The following NOS1AP variants were observed in gnomAD, a reference collection of about 807,000 sequenced individuals.
NOS1AP encodes carboxyl-terminal PDZ ligand of neuronal nitric oxide synthase protein.
In NOS1AP, 21 loss-of-function variants were observed where a neutral mutation model predicts 56.2. The observed-to-expected ratio is 0.37, with a 90% CI of 0.26 to 0.54. The LOEUF is 0.54. Ranked by LOEUF, NOS1AP falls within the 20% of genes least tolerant of loss-of-function variation. The pLI, the probability that NOS1AP is intolerant of heterozygous loss-of-function variation, is 0.84. For missense variants in NOS1AP, 522 were observed against 657.8 expected (o/e 0.79, Z 2.26); for synonymous variants, 270 against 274.6 (o/e 0.98, Z 0.17).
At chr1:162,354,769 G>A (rs1200453771) in intron 6 of NOS1AP, among the ~76,000 whole-genome samples, 1 of 152,188 alleles carries the variant, frequency 6.6e-6, no homozygotes, top group African/African-American at 2.4e-5. Flanking sequence ...AGAGTGAGGG[G>A]ATTTGCTTCT....
intron 9 of NOS1AP, among the ~76,000 whole-genome samples, 174 bp downstream of exon 9, chr1:162,365,743 C>T (rs905999958): frequency 2.6e-5 from 4 of 152,288 alleles, no homozygotes; most frequent in South Asian, 2.1e-4. Context: ...TACAGAATCA[C>T]ATGCCCAAAG....
chr1:162,162,828 C>A (rs971376013), intron 2 of NOS1AP, among the ~76,000 whole-genome samples: 1 of 152,010 alleles, frequency 6.6e-6, no homozygotes, highest in Non-Finnish European at 1.5e-5. Flanking sequence ...ATATAACTCG[C>A]CCATTTAAAT....
chr1:162,221,404 A>G (rs1652763907), intron 2 of NOS1AP, among the ~76,000 whole-genome samples: 1 of 152,132 alleles, frequency 6.6e-6, no homozygotes, highest in Non-Finnish European at 1.5e-5. Flanking sequence ...ATCTTTTGCT[A>G]GAAGAAAAAA....
At chr1:162,155,791 G>A (rs1233817259) in intron 2 of NOS1AP, among the ~76,000 whole-genome samples, 3 of 152,170 alleles carry the variant, frequency 2.0e-5, no homozygotes, top group African/African-American at 7.2e-5. Flanking sequence ...TCAAAGGTAG[G>A]TTTGGGATTG....
In NOS1AP at chr1:162,069,750, GCCGCCA is replaced by G. The variant is rs973520599; in HGVS notation, c.-406_-401del. 240 of 155,082 alleles carry G rather than the reference GCCGCCA, an allele frequency of 1.5e-3. 7 individuals carry two copies. In the South Asian group the frequency reaches 0.017, roughly 11 times the overall value. The allele number at this position is 155,082 out of a possible 1,614,324, so 9.6% of individuals were successfully genotyped here. On this transcript the variant is annotated 5_prime_UTR_variant, in exon 1 of 10. Transcript: ENST00000361897. Reference sequence around the variant, plus strand: ...GTCTCCGTGACAGGCACCCTGCTCCGCCGCCACCGCCACCGCCACCGCCACCGTCGC... The same window carrying G: ...GTCTCCGTGACAGGCACCCTGCTCCGCCGCCACCGCCACCGCCACCGTCGC...
intron 2 of NOS1AP, 66 bp downstream of exon 2, chr1:162,154,542 G>A: frequency 6.5e-7 from 1 of 1,543,086 alleles, no homozygotes; most frequent in Non-Finnish European, 8.9e-7. Flanking sequence ...GCCCTTCTAG[G>A]TAGGGCTGGA....
chr1:162,320,600 A>G (rs1656384653), intron 4 of NOS1AP, among the ~76,000 whole-genome samples: 2 of 152,210 alleles, frequency 1.3e-5, no homozygotes, highest in Admixed American at 6.5e-5. Context: ...TCACGCCTGT[A>G]ATCCCAGCAC....
At chr1:162,239,741 A>G (rs116138212) in intron 2 of NOS1AP, among the ~76,000 whole-genome samples, 143 of 152,308 alleles carry the variant, frequency 9.4e-4, no homozygotes, top group African/African-American at 3.4e-3. Flanking sequence ...TGTGAAGGAC[A>G]AGAGGAGTGG....
intron 2 of NOS1AP, among the ~76,000 whole-genome samples, chr1:162,193,567 G>A (rs190869936): frequency 2.7e-4 from 41 of 152,164 alleles, no homozygotes; most frequent in Admixed American, 1.7e-3. Flanking sequence ...CTTCCTTTTC[G>A]CCTTGACCAT....
chr1:162,324,296 T>C (rs1656511262), intron 4 of NOS1AP, among the ~76,000 whole-genome samples: 2 of 152,068 alleles, frequency 1.3e-5, no homozygotes, highest in African/African-American at 4.8e-5. Context: ...ATAGATTTGG[T>C]TTTTGACAGC....
intron 4 of NOS1AP, among the ~76,000 whole-genome samples, chr1:162,331,094 T>A (rs141467413): frequency 6.6e-6 from 1 of 152,290 alleles, no homozygotes; most frequent in Non-Finnish European, 1.5e-5. Flanking sequence ...TGAATGGGCC[T>A]GGAACTCAGG....
intron 2 of NOS1AP, among the ~76,000 whole-genome samples, chr1:162,224,621 T>A (rs1399185792): frequency 6.6e-6 from 1 of 152,162 alleles, no homozygotes; most frequent in Non-Finnish European, 1.5e-5. Context: ...TTACTTTAAC[T>A]AATTAAACAT....
intron 2 of NOS1AP, among the ~76,000 whole-genome samples, chr1:162,232,099 G>A (rs1326831530): frequency 6.6e-6 from 1 of 152,120 alleles, no homozygotes; most frequent in Admixed American, 6.6e-5. Context: ...AGAAGTCTAG[G>A]CCCCTAAGCT....
chr1:162,283,104 C>CTGTG (rs369814579), intron 2 of NOS1AP, among the ~76,000 whole-genome samples: 4 of 122,432 alleles, frequency 3.3e-5, no homozygotes, highest in Admixed American at 9.0e-5. Flanking sequence ...CTCTCTCTCT[C>CTGTG]TGTGTGTGTG....
intron 1 of NOS1AP, among the ~76,000 whole-genome samples, chr1:162,079,969 A>G (rs1691849723): frequency 6.6e-6 from 1 of 152,230 alleles, no homozygotes; most frequent in Non-Finnish European, 1.5e-5. Context: ...GTTCTGGTGC[A>G]TGCCACCATC....
chr1:162,344,957 A>C (rs921560149), intron 6 of NOS1AP, among the ~76,000 whole-genome samples: 8 of 152,144 alleles, frequency 5.3e-5, no homozygotes, highest in Admixed American at 1.3e-4. Context: ...TGGAGGAAAA[A>C]AATCCATTAA....
At chr1:162,245,062 A>T (rs1420661329) in intron 2 of NOS1AP, among the ~76,000 whole-genome samples, 1 of 152,184 alleles carries the variant, frequency 6.6e-6, no homozygotes, top group Non-Finnish European at 1.5e-5. Context: ...GGGGACAAGG[A>T]TAGGGCGAGG....
intron 2 of NOS1AP, among the ~76,000 whole-genome samples, chr1:162,191,226 G>A (rs1028800110): frequency 3.3e-5 from 5 of 152,136 alleles, no homozygotes; most frequent in Non-Finnish European, 7.3e-5. Context: ...TGTCCACACA[G>A]GAACATCAGA....
chr1:162,116,337 A>G (rs929035318), intron 1 of NOS1AP, among the ~76,000 whole-genome samples: 4 of 152,126 alleles, frequency 2.6e-5, no homozygotes, highest in African/African-American at 9.7e-5. Flanking sequence ...GCTCCCCAGT[A>G]AATTTGCGTG....
Sources: allele counts gnomAD v4.1 joint callset (sites outside exome capture counted in the v4.1 genomes callset), GRCh38; gene constraint gnomAD v4.1.1; transcripts MANE v1.5; gene names NCBI Gene and HGNC (gene_info 2026-07-23, HGNC 2026-07-21).